The following SPIDR variants were observed in gnomAD, a reference collection of about 807,000 sequenced individuals.
SPIDR encodes DNA repair-scaffolding protein.
In SPIDR, 93 loss-of-function variants were observed where a neutral mutation model predicts 104.6. That is an observed-to-expected ratio of 0.89 (90% CI 0.75 to 1.06). SPIDR has a LOEUF of 1.06. Among genes scored for constraint, SPIDR ranks in the 50% least tolerant of loss-of-function variants. SPIDR has a pLI of 0.00. For missense variants in SPIDR, 1,154 were observed against 1,111.2 expected (o/e 1.04, Z -0.55); for synonymous variants, 431 against 416.9 (o/e 1.03, Z -0.41).
chr8:47,561,878 G>T (rs2057131370), intron 8 of SPIDR, among the ~76,000 whole-genome samples: 1 of 152,208 alleles, frequency 6.6e-6, no homozygotes, highest in South Asian at 2.1e-4. Context: ...ATAATACTGA[G>T]AAGTGGAATA....
At chr8:47,721,772 G>A (rs957684037) in intron 16 of SPIDR, among the ~76,000 whole-genome samples, 2 of 152,180 alleles carry the variant, frequency 1.3e-5, no homozygotes, top group Non-Finnish European at 2.9e-5. Flanking sequence ...ACCGCGCCCG[G>A]CCAATTACTG....
chr8:47,557,230 G>A (rs1490481591), intron 8 of SPIDR, among the ~76,000 whole-genome samples: 1 of 152,206 alleles, frequency 6.6e-6, no homozygotes, highest in African/African-American at 2.4e-5. Flanking sequence ...ATGCCTCCAT[G>A]AAGTGGAGAG....
At chr8:47,700,528 C>G in intron 12 of SPIDR, 38 bp downstream of exon 12, 1 of 1,604,462 alleles carries the variant, frequency 6.2e-7, no homozygotes. Context: ...CAGTCACAGA[C>G]TACTCCATGC....
At chr8:47,609,262 T>C (rs1388230061) in intron 10 of SPIDR, among the ~76,000 whole-genome samples, 3 of 152,170 alleles carry the variant, frequency 2.0e-5, no homozygotes, top group Non-Finnish European at 4.4e-5. Context: ...CAATTTGTCA[T>C]TTTTGTTATT....
At chr8:47,667,963 GA>G (rs1167722456) in intron 10 of SPIDR, 1 of 151,496 alleles carries the variant, frequency 6.6e-6, no homozygotes, top group Non-Finnish European at 1.5e-5. Flanking sequence ...AGACAAGATG[GA>G]AAAATCCCTA....
intron 8 of SPIDR, among the ~76,000 whole-genome samples, chr8:47,453,691 T>G (rs1051177685): frequency 6.6e-6 from 1 of 152,118 alleles, no homozygotes; most frequent in African/African-American, 2.4e-5. Context: ...TCCTTACACC[T>G]TATACAAAAA....
intron 5 of SPIDR, among the ~76,000 whole-genome samples, chr8:47,387,903 T>G (rs1554649289): frequency 6.6e-6 from 1 of 152,214 alleles, no homozygotes; most frequent in African/African-American, 2.4e-5. Context: ...AAACCTGACA[T>G]TCAAGATCCT....
At chr8:47,595,559 G>C (rs1426808042) in intron 8 of SPIDR, among the ~76,000 whole-genome samples, 1 of 152,188 alleles carries the variant, frequency 6.6e-6, no homozygotes, top group Non-Finnish European at 1.5e-5. Flanking sequence ...TACTGGGAGG[G>C]CACAAGGGAG....
intron 16 of SPIDR, among the ~76,000 whole-genome samples, chr8:47,715,964 CTTTTTTTTTT>C (rs965625857): frequency 7.9e-6 from 1 of 127,096 alleles, no homozygotes; most frequent in Non-Finnish European, 1.7e-5. Flanking sequence ...TCTCTTTTTT[CTTTTTTTTTT>C]TTTTTTTTTG....
chr8:47,508,414 T>C (rs926435321), intron 8 of SPIDR, among the ~76,000 whole-genome samples: 1 of 152,122 alleles, frequency 6.6e-6, no homozygotes, highest in Non-Finnish European at 1.5e-5. Context: ...CTTGATAAAG[T>C]TTGGTATAAT....
intron 5 of SPIDR, among the ~76,000 whole-genome samples, chr8:47,365,781 A>AT (rs1563753093): frequency 6.6e-6 from 1 of 152,196 alleles, no homozygotes; most frequent in African/African-American, 2.4e-5. Context: ...GACCTATTTT[A>AT]TTAACCTCTA....
At chr8:47,500,300 A>G (rs1011000268) in intron 8 of SPIDR, among the ~76,000 whole-genome samples, 12 of 152,138 alleles carry the variant, frequency 7.9e-5, no homozygotes, top group African/African-American at 2.9e-4. Flanking sequence ...CCTCTCCAGC[A>G]CCTGTTGTTT....
At chr8:47,734,078 T>C (rs887183816) in intron 19 of SPIDR, among the ~76,000 whole-genome samples, 5 of 152,282 alleles carry the variant, frequency 3.3e-5, no homozygotes, top group East Asian at 1.9e-4. Context: ...GTGGCATCAA[T>C]ATTCATTCTG....
intron 8 of SPIDR, among the ~76,000 whole-genome samples, chr8:47,447,284 G>A (rs2070836687): frequency 6.6e-6 from 1 of 152,164 alleles, no homozygotes; most frequent in Admixed American, 6.5e-5. Flanking sequence ...CACAGTCTCG[G>A]CTCACTGCAA....
chr8:47,295,741 A>C lies in SPIDR; in HGVS notation c.525+1711A>C, dbSNP rs1554572335. On this transcript the variant is annotated intron_variant, in intron 5 of 19. Transcript: ENST00000297423. ...CTTCCAAATCTTAGCTATTGTGAAT[A>C]GCACTGCAGTTAACATGGGAGTGCA... Among the ~76,000 whole-genome samples the C allele has an allele frequency of 2.5e-3, 375 of 152,342 alleles. 1 individual carries two copies. The highest frequency in any genetic ancestry group is 4.1e-3 in the Non-Finnish European group (281 of 68,030).
intron 5 of SPIDR, among the ~76,000 whole-genome samples, chr8:47,323,203 A>G (rs943223367): frequency 6.6e-6 from 1 of 152,188 alleles, no homozygotes; most frequent in African/African-American, 2.4e-5. Context: ...GGTGATGTAT[A>G]TATTGGTTTT....
chr8:47,575,471 G>T (rs954807826), intron 8 of SPIDR, among the ~76,000 whole-genome samples: 1 of 150,748 alleles, frequency 6.6e-6, no homozygotes, highest in African/African-American at 2.4e-5. Flanking sequence ...GTGAAACCCC[G>T]TCTCTACTAA....
chr8:47,485,002 A>G (rs1586500251), intron 8 of SPIDR, among the ~76,000 whole-genome samples: 1 of 152,116 alleles, frequency 6.6e-6, no homozygotes, highest in Non-Finnish European at 1.5e-5. Flanking sequence ...CACTGGGTAC[A>G]GGACAGTGGG....
intron 8 of SPIDR, among the ~76,000 whole-genome samples, chr8:47,532,065 ATTT>A (rs34728107): frequency 2.6e-4 from 31 of 119,582 alleles, no homozygotes; most frequent in Admixed American, 9.8e-4. Flanking sequence ...GTCAGAGTGG[ATTT>A]TTTTTTTTTT....
Sources: gnomAD v4.1 joint callset for allele counts (sites outside exome capture counted in the v4.1 genomes callset) on GRCh38, gnomAD v4.1.1 for gene constraint, MANE v1.5 for transcripts, NCBI Gene and HGNC (gene_info 2026-07-23, HGNC 2026-07-21) for gene names.